Variants in PACRG observed in about 807,000 individuals in gnomAD.
PACRG encodes the protein parkin coregulated, also known as parkin coregulated gene protein.
PACRG carries 29 observed loss-of-function variants against 29.7 expected under a neutral mutation model. The observed-to-expected ratio is 0.98, with a 90% CI of 0.73 to 1.33. The LOEUF (loss-of-function observed/expected upper bound fraction) is 1.33, where lower values mean the gene tolerates loss of function less well. PACRG is among the 40% of genes most tolerant of loss of function. PACRG has a pLI of 0.00. For missense variants in PACRG, 279 were observed against 316.2 expected (o/e 0.88, Z 0.89); for synonymous variants, 116 against 118.7 (o/e 0.98, Z 0.15).
intron 2 of PACRG, among the ~76,000 whole-genome samples, chr6:162,972,735 A>C (rs1283133778): frequency 6.6e-6 from 1 of 152,148 alleles, no homozygotes; most frequent in South Asian, 2.1e-4. Context: ...GCTGCCTTTC[A>C]ATGGATTTTA....
At chr6:162,752,041 G>T (rs1487041074) in intron 1 of PACRG, among the ~76,000 whole-genome samples, 1 of 152,058 alleles carries the variant, frequency 6.6e-6, no homozygotes, top group Non-Finnish European at 1.5e-5. Context: ...AAAACATGAA[G>T]TATGGTAAAA....
intron 4 of PACRG, among the ~76,000 whole-genome samples, chr6:163,161,134 T>C (rs1047503867): frequency 2.0e-5 from 3 of 152,158 alleles, no homozygotes; most frequent in Admixed American, 6.5e-5. Context: ...TCACGTATAC[T>C]TGGCTCTCTG....
chr6:163,303,279 G>A (rs1019575410), intron 4 of PACRG, among the ~76,000 whole-genome samples: 1 of 152,116 alleles, frequency 6.6e-6, no homozygotes, highest in South Asian at 2.1e-4. Context: ...AGCTGAGATC[G>A]TGCCACTGCA....
chr6:162,798,607 C>T (rs1465095714), intron 1 of PACRG, among the ~76,000 whole-genome samples: 1 of 152,084 alleles, frequency 6.6e-6, no homozygotes. Flanking sequence ...GAGAAATGTT[C>T]ACACTAGAAA....
intron 4 of PACRG, among the ~76,000 whole-genome samples, chr6:163,228,607 A>C (rs1227771842): frequency 6.6e-6 from 1 of 152,218 alleles, no homozygotes; most frequent in African/African-American, 2.4e-5. Flanking sequence ...GAAAAAGTAC[A>C]GTCACTTTTT....
At chr6:163,150,509 C>T (rs1358815946) in intron 4 of PACRG, among the ~76,000 whole-genome samples, 5 of 152,224 alleles carry the variant, frequency 3.3e-5, no homozygotes, top group African/African-American at 1.2e-4. Flanking sequence ...ATGTTCTCTT[C>T]TCTGTCAGGA....
intron 4 of PACRG, among the ~76,000 whole-genome samples, chr6:163,146,100 C>A (rs1371111935): frequency 6.6e-6 from 1 of 152,142 alleles, no homozygotes. Flanking sequence ...TTTTGAAGTT[C>A]AAAAAGCCTT....
At chr6:162,730,200 A>G (rs1200491998) in intron 1 of PACRG, among the ~76,000 whole-genome samples, 1 of 152,150 alleles carries the variant, frequency 6.6e-6, no homozygotes, top group Non-Finnish European at 1.5e-5. Flanking sequence ...AGAAGGCTGG[A>G]CAATACCGTT....
At chr6:163,277,108 AT>A (rs541666970) in intron 4 of PACRG, among the ~76,000 whole-genome samples, 1,698 of 151,812 alleles carry the variant, frequency 0.011, 34 homozygotes, top group African/African-American at 0.039. Context: ...ATGTTTTACA[AT>A]TTTTTTTATT....
At chr6:162,814,409 A>G in intron 2 of PACRG, 128 bp downstream of exon 2, 1 of 1,230,334 alleles carries the variant, frequency 8.1e-7, no homozygotes, top group Admixed American at 2.5e-5. Flanking sequence ...ATGGTGGGAA[A>G]GCTCTTAGAG....
intron 4 of PACRG, among the ~76,000 whole-genome samples, chr6:163,194,955 C>G (rs954434638): frequency 6.6e-6 from 1 of 152,116 alleles, no homozygotes; most frequent in Admixed American, 6.5e-5. Context: ...ATTTGGGGCT[C>G]TTCAAGTGCC....
chr6:162,904,489 T>G (rs1361629306), intron 2 of PACRG, among the ~76,000 whole-genome samples: 1 of 152,190 alleles, frequency 6.6e-6, no homozygotes, highest in Admixed American at 6.5e-5. Flanking sequence ...CTGGTGGCAG[T>G]GTCCGATTCC....
chr6:163,058,354 C>A (rs1024191201), intron 2 of PACRG, among the ~76,000 whole-genome samples: 15 of 152,158 alleles, frequency 9.9e-5, no homozygotes, highest in African/African-American at 3.4e-4. Flanking sequence ...CGAACAAAAG[C>A]CATATCTGTG....
At chr6:163,225,827 C>T (rs1351907698) in intron 4 of PACRG, among the ~76,000 whole-genome samples, 9 of 152,014 alleles carry the variant, frequency 5.9e-5, no homozygotes, top group South Asian at 2.1e-4. Flanking sequence ...CATCAGTCGA[C>T]GAATGGATAA....
At chr6:162,748,492 C>CAA (rs776369195) in intron 1 of PACRG, among the ~76,000 whole-genome samples, 1 of 151,824 alleles carries the variant, frequency 6.6e-6, no homozygotes, top group Non-Finnish European at 1.5e-5. Context: ...GACTCCATCT[C>CAA]AAAAAAACAA....
intron 1 of PACRG, among the ~76,000 whole-genome samples, chr6:162,771,862 A>C (rs914837832): frequency 6.6e-6 from 1 of 152,098 alleles, no homozygotes; most frequent in Non-Finnish European, 1.5e-5. Context: ...ATTCTCTCGG[A>C]TGGAGGTAAG....
At chr6:163,150,724 C>T (rs973995122) in intron 4 of PACRG, among the ~76,000 whole-genome samples, 1 of 152,208 alleles carries the variant, frequency 6.6e-6, no homozygotes, top group East Asian at 1.9e-4. Flanking sequence ...TGGCGGTTAC[C>T]CCGCTTGGTA....
chr6:163,207,128 TA>T (rs1380477146), intron 4 of PACRG, among the ~76,000 whole-genome samples: 1 of 152,232 alleles, frequency 6.6e-6, no homozygotes, highest in East Asian at 1.9e-4. Context: ...GAGATTTCTT[TA>T]AATGAAATGA....
intron 2 of PACRG, among the ~76,000 whole-genome samples, chr6:162,909,042 G>T (rs1335000923): frequency 6.6e-6 from 1 of 152,112 alleles, no homozygotes; most frequent in African/African-American, 2.4e-5. Context: ...TAGTATACAC[G>T]ACTCCTCTTG....
Sources: gnomAD v4.1 joint callset for allele counts (sites outside exome capture counted in the v4.1 genomes callset) on GRCh38, gnomAD v4.1.1 for gene constraint, MANE v1.5 for transcripts, NCBI Gene and HGNC (gene_info 2026-07-23, HGNC 2026-07-21) for gene names.